Variants in LIMS2 observed in about 807,000 individuals in gnomAD.
The protein encoded by LIMS2 is LIM zinc finger domain containing 2.
LIMS2 carries 30 observed loss-of-function variants against 45.3 expected under a neutral mutation model. The observed-to-expected ratio is 0.66, with a 90% CI of 0.50 to 0.90. LIMS2 has a LOEUF of 0.90. LIMS2 is among the 40% of genes least tolerant of loss of function. The pLI is 0.00. For missense variants in LIMS2, 485 were observed against 468.7 expected (o/e 1.03, Z -0.32); for synonymous variants, 173 against 188.0 (o/e 0.92, Z 0.65).
chr2:127,643,518 A>C (rs753867343), intron 4 of LIMS2: 1 of 456,846 alleles, frequency 2.2e-6, no homozygotes, highest in South Asian at 1.5e-5. Flanking sequence ...GGTTTGCCAG[A>C]TGAAGAAGGG....
In LIMS2 at chr2:127,654,833, A is replaced by C. The variant is rs1226392242; in HGVS notation, c.235T>G (p.Cys79Gly). The change falls in exon 3 of 10, where the codon TGC (cysteine) becomes GGC (glycine). Residue 79 changes from cysteine to glycine, a missense_variant. By Grantham distance (159) the Cys-to-Gly change is radical. Transcript: ENST00000355119. ...TGTGTACTGTCACCGGCCTTACCGC[A>C]GGATCCACAGCACGGAGCAAACAGC... ...QMLFAPCCGS[C>G]GEFIIGRVIK... The C allele has an allele frequency of 1.2e-6, 2 of 1,614,050 alleles. No individual in the cohort carries two copies. Among genetic ancestry groups the C allele is most frequent in the Admixed American group, 1.7e-5 (1 of 60,028 alleles).
At chr2:127,670,254 G>A (rs560710754) in intron 1 of LIMS2, among the ~76,000 whole-genome samples, 1 of 152,134 alleles carries the variant, frequency 6.6e-6, no homozygotes, top group Non-Finnish European at 1.5e-5. Flanking sequence ...GATGAAGGAA[G>A]AAACAAACTA....
rs1053954263 is a variant in LIMS2 at position 127,643,088 on chromosome 2, G to C, written c.360-16C>G. 3.9e-6 allele frequency: 6 copies of C among 1,556,142 alleles called. No homozygotes were observed. The highest frequency in any genetic ancestry group is 5.2e-6 in the Non-Finnish European group (6 of 1,152,958). On this transcript the variant is annotated splice_polypyrimidine_tract_variant and intron_variant, in intron 4 of 9. Transcript: ENST00000355119. ...GCAGAGATGCCTGCGGGAGGCGGGG[G>C]CATTAGGGGCAGAGCCCCCACTCCC...
intron 3 of LIMS2, 44 bp downstream of exon 3, chr2:127,654,786 C>T: frequency 6.2e-7 from 1 of 1,603,536 alleles, no homozygotes. Context: ...CCACTGCTGC[C>T]CACTTCCCAG....
chr2:127,680,162 G>A (rs1685585677), upstream of LIMS2, among the ~76,000 whole-genome samples: 1 of 152,244 alleles, frequency 6.6e-6, no homozygotes, highest in Admixed American at 6.5e-5. Flanking sequence ...GGGGAGCGGG[G>A]AAGCACCTGC....
intron 2 of LIMS2, among the ~76,000 whole-genome samples, chr2:127,656,376 C>T (rs1220388821): frequency 6.6e-6 from 1 of 151,678 alleles, no homozygotes; most frequent in African/African-American, 2.4e-5. Flanking sequence ...ACATCCTCTC[C>T]TCAGCACAGC....
intron 1 of LIMS2, among the ~76,000 whole-genome samples, chr2:127,658,345 A>G (rs1031472563): frequency 6.6e-6 from 1 of 152,224 alleles, no homozygotes; most frequent in Non-Finnish European, 1.5e-5. Context: ...GCTGAGTGCC[A>G]CTGCACTCAG....
chr2:127,640,096 G>A lies in LIMS2; in HGVS notation c.852C>T (p.Ser284=), dbSNP rs372533466. Residue 284 remains serine, a synonymous_variant, in exon 9 of 10, where the codon TCC becomes TCT. Coordinates refer to ENST00000355119, the MANE Select transcript of LIMS2 (RefSeq NM_001161403.3). ...TCAGGGTGAGCTTGCTGTTGCAGGT[G>A]GAGCAGGAGAAGCAGCTCACACACC... ...KAWCVSCFSC[S]TCNSKLTLKN... is the part of the protein sequence containing the mutation. The A allele has an allele frequency of 4.3e-5, 70 of 1,613,388 alleles. No individual in the cohort carries two copies. Among genetic ancestry groups the A allele is most frequent in the Non-Finnish European group, 5.8e-5 (68 of 1,180,006 alleles).
Position 127,643,082 on chromosome 2 carries a change from G to C in LIMS2, c.360-10C>G. Reference sequence around the variant, plus strand: ...AGGCCGGCAGAGATGCCTGCGGGAGGCGGGGGCATTAGGGGCAGAGCCCCC... The same window carrying C: ...AGGCCGGCAGAGATGCCTGCGGGAGCCGGGGGCATTAGGGGCAGAGCCCCC... On this transcript the variant is annotated splice_polypyrimidine_tract_variant and intron_variant, in intron 4 of 9. Transcript: ENST00000355119. The C allele has an allele frequency of 6.4e-7, 1 of 1,564,990 alleles. No homozygotes were observed. The highest frequency in any genetic ancestry group is 8.6e-7 in the Non-Finnish European group (1 of 1,156,916).
intron 2 of LIMS2, chr2:127,655,138 A>G (rs1254952873): frequency 1.7e-6 from 1 of 596,988 alleles, no homozygotes; most frequent in East Asian, 2.9e-5. Flanking sequence ...GCCACCTGTC[A>G]AAGGGCCACT....
rs146185703 is a variant in LIMS2, at chr2:127,647,211, A to C, written c.360-4139T>G. 7.3e-3 allele frequency among the ~76,000 whole-genome samples: 1,106 copies of C among 152,218 alleles called. 19 individuals are homozygous for C. Among genetic ancestry groups the C allele is most frequent in the Non-Finnish European group, 5.2e-3 (353 of 67,986 alleles). On this transcript the variant is annotated intron_variant, in intron 4 of 9. Transcript: ENST00000355119. This position sits in a 1 kb window ranked among gnomAD's most constrained non-coding sequence, Gnocchi z 4.3. ...GGGGCTGCACATTCTCATTTCATAC[A>C]TGGGCCCCTAAAATGAGGGAGTGGC...
chr2:127,680,190 G>A (rs1289743385), upstream of LIMS2, among the ~76,000 whole-genome samples: 5 of 152,182 alleles, frequency 3.3e-5, no homozygotes, highest in East Asian at 1.9e-4. Context: ...GAGCCCTCCC[G>A]GGCGGCTCCC....
Position 127,664,187 on chromosome 2 carries a change from GC to G in LIMS2, c.12-6626del. Reference sequence around the variant, plus strand: ...GTCGCCAACCCAGGGCCCATCCGACGCCGGGGCAGAGCCCACGGCGTCGGAG... The same window carrying G: ...GTCGCCAACCCAGGGCCCATCCGACGCGGGGCAGAGCCCACGGCGTCGGAG... On this transcript the variant is annotated intron_variant, in intron 1 of 9. Transcript: ENST00000355119. The surrounding 1 kb of genome is among the most constrained non-coding windows in gnomAD (Gnocchi z 5.5). 1.2e-6 allele frequency: 1 copy of G among 811,602 alleles called. No homozygotes were observed. Among genetic ancestry groups the G allele is most frequent in the African/African-American group, 1.8e-5 (1 of 54,732 alleles). The allele number at this position is 811,602 out of a possible 1,614,324, so 50.3% of individuals were successfully genotyped here.
chr2:127,650,860 T>C, intron 4 of LIMS2: 1 of 1,614,156 alleles, frequency 6.2e-7, no homozygotes, highest in Non-Finnish European at 8.5e-7. Flanking sequence ...CTTCTGGATT[T>C]TATCCTGGCT....
At chr2:127,643,548 T>A (rs971246415) in intron 4 of LIMS2, 4 of 456,542 alleles carry the variant, frequency 8.8e-6, no homozygotes, top group African/African-American at 4.0e-5. Context: ...GTACAGGCGA[T>A]TTCTGTCTCC....
intron 9 of LIMS2, 138 bp downstream of exon 9, chr2:127,639,932 G>A (rs1020726538): frequency 2.3e-6 from 2 of 854,722 alleles, no homozygotes; most frequent in Non-Finnish European, 3.8e-6. Flanking sequence ...CTCCCTGGGT[G>A]GTATAAGGCC....
rs1553468302 is a variant in LIMS2, at chr2:127,675,285, A to AGGGGGG, written c.-262_-261insCCCCCC. The stretch of plus-strand genomic sequence containing the variant: ...TGACGGTGGGAGGTTGCGGGAGTAT[A>AGGGGGG]GGTGGGGGTGGGGGTGGCAGGTGGG... On this transcript the variant is annotated 5_prime_UTR_variant, in exon 1 of 10. Coordinates refer to ENST00000355119, the MANE Select transcript of LIMS2 (RefSeq NM_001161403.3). 1 of 78,040 alleles carries AGGGGGG rather than the reference A, an allele frequency of 1.3e-5. No homozygotes were observed. The highest frequency in any genetic ancestry group is 2.5e-5 in the Non-Finnish European group (1 of 40,506). 4.8% of individuals were successfully genotyped at this position (78,040 alleles called of 1,614,324 possible). A position where few individuals can be genotyped will look rare whatever the true frequency, so the allele number is the denominator to read the frequency against.
Position 127,667,196 on chromosome 2 carries a change from C to T in LIMS2, c.11+7818G>A, listed in dbSNP as rs1452824678. On this transcript the variant is annotated intron_variant, in intron 1 of 9. Coordinates refer to ENST00000355119, the MANE Select transcript of LIMS2 (RefSeq NM_001161403.3). This position sits in a 1 kb window ranked among gnomAD's most constrained non-coding sequence, Gnocchi z 4.1. ...ATCCCAGCTACTCAGGAGGCTGAGG[C>T]AGGAGAATCACTTGAACCTGGAAGG... 6.6e-6 allele frequency among the ~76,000 whole-genome samples: 1 copy of T among 152,166 alleles called. No individual in the cohort carries two copies. The highest frequency in any genetic ancestry group is 1.5e-5 in the Non-Finnish European group (1 of 68,040).
At position 127,644,065 on chromosome 2, in the gene LIMS2, G is replaced by T. The variant is rs1472941823; in HGVS notation, c.360-993C>A. 7 of 456,406 alleles carry T rather than the reference G, an allele frequency of 1.5e-5. No individual in the cohort carries two copies. The East Asian group carries it at 4.2e-4, about 27-fold the overall frequency. 28.3% of individuals were successfully genotyped at this position (456,406 alleles called of 1,614,324 possible). On this transcript the variant is annotated intron_variant, in intron 4 of 9. Transcript: ENST00000355119. Reference sequence around the variant, plus strand: ...ATTCAGCATCCCTCCCTGGACCCCAGGACCTGCTACTGCTGGGTGTCTGGA... The same window carrying T: ...ATTCAGCATCCCTCCCTGGACCCCATGACCTGCTACTGCTGGGTGTCTGGA...
Sources: gnomAD v4.1 joint callset for allele counts (sites outside exome capture counted in the v4.1 genomes callset) on GRCh38, gnomAD v4.1.1 for gene constraint, Gnocchi (gnomAD v3.1) non-coding constraint, MANE v1.5 for transcripts, NCBI Gene and HGNC (gene_info 2026-07-23, HGNC 2026-07-21) for gene names.